The following FANK1 variants were observed in gnomAD, a reference collection of about 807,000 sequenced individuals.
FANK1 encodes the protein fibronectin type III and ankyrin repeat domains 1, also known as fibronectin type 3 and ankyrin repeat domains protein 1.
FANK1 carries 44 observed loss-of-function variants against 45.3 expected under a neutral mutation model. The observed-to-expected ratio is 0.97, with a 90% confidence interval of 0.76 to 1.25. The LOEUF (loss-of-function observed/expected upper bound fraction) is 1.25. Among genes scored for constraint, FANK1 ranks in the 50% most tolerant of loss-of-function variants. The pLI, the probability that FANK1 is intolerant of heterozygous loss-of-function variation, is 0.00. For missense variants in FANK1, 391 were observed against 424.4 expected, an observed-to-expected ratio of 0.92 and a Z score of 0.69; for synonymous variants, 149 against 152.5, an observed-to-expected ratio of 0.98 and a Z score of 0.17.
chr10:125,914,587 T>A (rs12256020), intron 1 of FANK1, among the ~76,000 whole-genome samples: 56,420 of 151,958 alleles, frequency 0.37, 10,960 homozygotes, highest in Non-Finnish European at 0.44. Flanking sequence ...AACTAAACAT[T>A]CCCTAACAGA....
intron 1 of FANK1, among the ~76,000 whole-genome samples, chr10:125,923,108 TAATC>T (rs1947060302): frequency 6.6e-6 from 1 of 152,090 alleles, no homozygotes. Context: ...TCAATATATT[TAATC>T]TATGTAAGAT....
intron 1 of FANK1, among the ~76,000 whole-genome samples, chr10:125,953,435 G>T (rs572366377): frequency 6.6e-6 from 1 of 152,278 alleles, no homozygotes; most frequent in Non-Finnish European, 1.5e-5. Flanking sequence ...GAGGTGGTGT[G>T]GGTGATGCTT....
chr10:125,960,482 C>T, intron 1 of FANK1: 1 of 167,244 alleles, frequency 6.0e-6, no homozygotes, highest in Non-Finnish European at 1.3e-5. Flanking sequence ...AGCGTGGGCA[C>T]TGCCAATATT....
chr10:125,962,767 A>AT, intron 1 of FANK1, among the ~76,000 whole-genome samples: 1 of 151,376 alleles, frequency 6.6e-6, no homozygotes, highest in Non-Finnish European at 1.5e-5. Flanking sequence ...ATTTCTCTTG[A>AT]TTTTTTTCTT....
intron 1 of FANK1, among the ~76,000 whole-genome samples, chr10:125,905,142 A>AAAAC (rs1945391552): frequency 1.0e-5 from 1 of 98,236 alleles, no homozygotes; most frequent in African/African-American, 3.8e-5. Context: ...AAAAAAAAAA[A>AAAAC]AAAAAAAACA....
chr10:126,000,421 G>A (rs1952668800), intron 6 of FANK1, among the ~76,000 whole-genome samples: 1 of 152,138 alleles, frequency 6.6e-6, no homozygotes, highest in Non-Finnish European at 1.5e-5. Flanking sequence ...GAATGGAATA[G>A]AAATCCTCAA....
In FANK1 at chr10:125,913,170, T is replaced by TC. The variant is rs574029392; in HGVS notation, c.13+16516dup. Among the ~76,000 whole-genome samples, 380 of 152,338 alleles carry TC rather than the reference T, an allele frequency of 2.5e-3. 3 individuals carry two copies. The highest frequency in any genetic ancestry group is 8.1e-3 in the African/African-American group (337 of 41,568). On this transcript the variant is annotated intron_variant, in intron 1 of 10. Coordinates refer to ENST00000368693, the MANE Select transcript of FANK1 (RefSeq NM_145235.5). ...CCTTGCTGTTCTGAATTGGTGATTA[T>TC]CAACAGAAATGCCCAACAGGTGATT...
chr10:125,991,115 G>A (rs1375577911), intron 3 of FANK1, among the ~76,000 whole-genome samples: 2 of 152,212 alleles, frequency 1.3e-5, no homozygotes, highest in Non-Finnish European at 2.9e-5. Flanking sequence ...GGCCAGATGT[G>A]CCTTCTCCCC....
At chr10:126,006,951 A>G (rs544013065) in intron 7 of FANK1, among the ~76,000 whole-genome samples, 50 of 152,354 alleles carry the variant, frequency 3.3e-4, no homozygotes, top group African/African-American at 1.1e-3. Context: ...GGCTTCAGAT[A>G]TGAATATACT....
intron 6 of FANK1, 97 bp downstream of exon 6, chr10:125,997,582 C>A: frequency 1.7e-6 from 2 of 1,173,628 alleles, no homozygotes; most frequent in Non-Finnish European, 1.2e-6. Flanking sequence ...AAAACATTGT[C>A]TTGAGTTTGA....
At chr10:125,987,223 C>T (rs1951620646) in intron 2 of FANK1, among the ~76,000 whole-genome samples, 2 of 152,084 alleles carry the variant, frequency 1.3e-5, no homozygotes, top group South Asian at 4.1e-4. Context: ...TACATCCCAG[C>T]CTGTCCCAGC....
At position 125,996,619 on chromosome 10, in the gene FANK1, C is replaced by T. The variant is rs750512734; in HGVS notation, c.468C>T (p.Tyr156=). The T allele has an allele frequency of 7.4e-6, 12 of 1,613,802 alleles. No individual in the cohort carries two copies. Among genetic ancestry groups the T allele is most frequent in the South Asian group, 6.6e-5 (6 of 91,058 alleles). ...TGATGGTTGCTGCCCAGAAAGGATACACCAGGTATGGCTCTTCTTTTTTTT... is the reference window on the plus strand; with the variant it reads ...TGATGGTTGCTGCCCAGAAAGGATATACCAGGTATGGCTCTTCTTTTTTTT... ...TALMVAAQKG[Y]TRLVKILVSN... The change falls in exon 5 of 11, where the codon TAC becomes TAT. Residue 156 remains tyrosine, a synonymous_variant. Transcript: ENST00000368693.
chr10:126,008,947 G>A, intron 8 of FANK1, 107 bp from the exon 9 acceptor site: 1 of 1,024,448 alleles, frequency 9.8e-7, no homozygotes, highest in Admixed American at 2.3e-5. Context: ...GTCTTTTGGG[G>A]TTGCAGGGGG....
intron 2 of FANK1, among the ~76,000 whole-genome samples, chr10:125,987,770 G>A (rs891912291): frequency 6.6e-6 from 1 of 152,088 alleles, no homozygotes; most frequent in Non-Finnish European, 1.5e-5. Flanking sequence ...CCAGGCTCCT[G>A]GGACCTGCCT....
intron 7 of FANK1, among the ~76,000 whole-genome samples, chr10:126,006,033 A>C (rs550171976): frequency 1.3e-5 from 2 of 152,316 alleles, no homozygotes; most frequent in African/African-American, 2.4e-5. Context: ...AACTTTGAAA[A>C]CTTTATTTCA....
chr10:125,979,172 C>A (rs553751640), intron 1 of FANK1, among the ~76,000 whole-genome samples: 13 of 152,184 alleles, frequency 8.5e-5, no homozygotes, highest in Admixed American at 3.9e-4. Context: ...CCCGGGGGGC[C>A]ATTGTCCTGT....
rs572957503 is a variant in FANK1, at chr10:125,977,329, T to C, written c.14-2832T>C. On this transcript the variant is annotated intron_variant, in intron 1 of 10. Coordinates refer to ENST00000368693, the MANE Select transcript of FANK1 (RefSeq NM_145235.5). ...GTCTTTATTTGAAGCTTACTTGTTGTCTCTGGTTTCAGAGGGGGGTATGTT... is the reference window on the plus strand; with the variant it reads ...GTCTTTATTTGAAGCTTACTTGTTGCCTCTGGTTTCAGAGGGGGGTATGTT... Among the ~76,000 whole-genome samples, 18 of 152,310 alleles carry C rather than the reference T, an allele frequency of 1.2e-4. No individual in the cohort carries two copies. The South Asian group carries it at 3.7e-3, about 32-fold the overall frequency.
rs112589698 is a variant in FANK1, at chr10:125,929,262, C to T, written c.13+32607C>T. On this transcript the variant is annotated intron_variant, in intron 1 of 10. Transcript: ENST00000368693. ...AGGAACTGCACTGGGAACAAAGGCT[C>T]TTATGCAGAAAAAAGTCCCTCAGGT... 5.1e-3 allele frequency among the ~76,000 whole-genome samples: 784 copies of T among 152,278 alleles called. 7 individuals are homozygous for T. Among genetic ancestry groups the T allele is most frequent in the African/African-American group, 0.018 (757 of 41,566 alleles).
At chr10:125,956,283 A>G (rs1949575911) in intron 1 of FANK1, among the ~76,000 whole-genome samples, 1 of 151,948 alleles carries the variant, frequency 6.6e-6, no homozygotes. Flanking sequence ...ATTCAAAGTG[A>G]TGTTTATTGA....
Sources: gnomAD v4.1 joint callset for allele counts (sites outside exome capture counted in the v4.1 genomes callset) on GRCh38, gnomAD v4.1.1 for gene constraint, MANE v1.5 for transcripts, NCBI Gene and HGNC (gene_info 2026-07-23, HGNC 2026-07-21) for gene names.